The following ST7 variants were observed in gnomAD, a reference collection of about 807,000 sequenced individuals.
ST7 encodes suppressor of tumorigenicity 7 protein.
In ST7, 28 loss-of-function variants were observed where a neutral mutation model predicts 78.7. That is an observed-to-expected ratio of 0.36 (90% CI 0.26 to 0.49). The LOEUF (loss-of-function observed/expected upper bound fraction) is 0.49. Ranked by LOEUF, ST7 falls within the 20% of genes least tolerant of loss-of-function variation. The probability of loss-of-function intolerance (pLI) is 0.99; values close to 1 mark genes in which losing one functional copy is unlikely to be tolerated. For synonymous variants in ST7, 247 were observed against 249.6 expected (o/e 0.99, Z 0.10); for missense variants, 418 against 696.0 (o/e 0.60, Z 4.49).
chr7:117,117,273 T>C (rs1033548561), intron 2 of ST7, among the ~76,000 whole-genome samples: 1 of 152,070 alleles, frequency 6.6e-6, no homozygotes, highest in Admixed American at 6.6e-5. Context: ...GGTTTGTGTG[T>C]GTGTGATGGG....
At chr7:117,079,196 C>A (rs74440246) in intron 1 of ST7, among the ~76,000 whole-genome samples, 1 of 152,090 alleles carries the variant, frequency 6.6e-6, no homozygotes, top group Non-Finnish European at 1.5e-5. Context: ...ATTTATGTAG[C>A]ATTTATATTG....
At chr7:117,194,561 A>G (rs1293107536) in intron 12 of ST7, among the ~76,000 whole-genome samples, 1 of 152,220 alleles carries the variant, frequency 6.6e-6, no homozygotes, top group Non-Finnish European at 1.5e-5. Flanking sequence ...GATTTTCAAC[A>G]ACTGAGAACA....
chr7:117,079,785 A>G (rs1231773330), intron 1 of ST7, among the ~76,000 whole-genome samples: 3 of 152,070 alleles, frequency 2.0e-5, no homozygotes, highest in Admixed American at 6.5e-5. Context: ...ATGTAATTCT[A>G]TCCTCCAAAG....
chr7:117,186,422 C>A (rs531473276), intron 10 of ST7, among the ~76,000 whole-genome samples: 1 of 152,136 alleles, frequency 6.6e-6, no homozygotes, highest in South Asian at 2.1e-4. Flanking sequence ...ATCTACAGTG[C>A]GGATATGCTG....
In ST7 at chr7:117,012,840, T is replaced by C. The variant is rs554811735; in HGVS notation, c.151+59149T>C. On this transcript the variant is annotated intron_variant, in intron 1 of 15. Transcript: ENST00000323984. ...ACTTGGCTTTTCTGTTTGCTAAGCC[T>C]GGCTTTTAACCCCTCTGCTGGATTT... Among the ~76,000 whole-genome samples, 12 of 152,338 alleles carry C rather than the reference T, an allele frequency of 7.9e-5. No individual in the cohort carries two copies. The South Asian group carries it at 2.5e-3, about 32-fold the overall frequency.
intron 2 of ST7, among the ~76,000 whole-genome samples, chr7:117,107,528 A>AT (rs905163012): frequency 4.5e-5 from 6 of 134,192 alleles, no homozygotes; most frequent in African/African-American, 1.7e-4. Context: ...GATGTTGAGC[A>AT]TTTTTTTCAT....
intron 9 of ST7, among the ~76,000 whole-genome samples, chr7:117,155,352 A>C (rs947161343): frequency 2.0e-5 from 3 of 152,194 alleles, no homozygotes; most frequent in African/African-American, 7.2e-5. Context: ...TAGTTGTGTA[A>C]GGCATTTAGA....
At chr7:117,041,876 G>T (rs1665624283) in intron 1 of ST7, among the ~76,000 whole-genome samples, 1 of 152,130 alleles carries the variant, frequency 6.6e-6, no homozygotes, top group Non-Finnish European at 1.5e-5. Flanking sequence ...TTAAAATATG[G>T]ACATTATGCT....
chr7:116,985,760 T>G (rs1794163072), intron 1 of ST7, among the ~76,000 whole-genome samples: 1 of 152,228 alleles, frequency 6.6e-6, no homozygotes. Context: ...TGCTAGAGAT[T>G]TGCTACTCTG....
At chr7:117,049,204 A>G (rs1271859931) in intron 1 of ST7, among the ~76,000 whole-genome samples, 1 of 152,228 alleles carries the variant, frequency 6.6e-6, no homozygotes, top group African/African-American at 2.4e-5. Flanking sequence ...GAAGTCGCCT[A>G]TCTCTACCTT....
At chr7:117,147,791 C>G (rs577633384) in intron 9 of ST7, among the ~76,000 whole-genome samples, 1 of 152,136 alleles carries the variant, frequency 6.6e-6, no homozygotes, top group African/African-American at 2.4e-5. Context: ...ACCATTTGAT[C>G]CTAAGCATTT....
chr7:117,183,204 A>G (rs1443541547), intron 10 of ST7, among the ~76,000 whole-genome samples: 1 of 151,910 alleles, frequency 6.6e-6, no homozygotes, highest in Non-Finnish European at 1.5e-5. Flanking sequence ...GGTGGGCAGA[A>G]CAGTTGAGGA....
At chr7:117,146,393 A>T (rs1420970566) in intron 9 of ST7, 1 of 152,280 alleles carries the variant, frequency 6.6e-6, no homozygotes, top group African/African-American at 2.4e-5. Context: ...GAGAGAAGGG[A>T]GGGAGCTTAA....
At chr7:116,968,331 T>TTCCTTCCTTC (rs1793244829) in intron 1 of ST7, 1 of 145,590 alleles carries the variant, frequency 6.9e-6, no homozygotes, top group African/African-American at 5.8e-5. Context: ...TTCCTTCCTT[T>TTCCTTCCTTC]CCTCCCTCCC....
intron 1 of ST7, among the ~76,000 whole-genome samples, chr7:117,058,160 G>A (rs1798159812): frequency 6.6e-6 from 1 of 152,132 alleles, no homozygotes; most frequent in Non-Finnish European, 1.5e-5. Flanking sequence ...AAACACATGT[G>A]CTTTACCTTT....
At chr7:117,171,324 T>A (rs1807974116) in intron 10 of ST7, among the ~76,000 whole-genome samples, 2 of 152,146 alleles carry the variant, frequency 1.3e-5, no homozygotes, top group Admixed American at 6.6e-5. Flanking sequence ...CAGCACTGAC[T>A]GTTAGAGCTC....
chr7:117,190,896 C>T lies in ST7; in HGVS notation c.1214C>T (p.Ala405Val). The change falls in exon 12 of 16, where the codon GCC (alanine) becomes GTC (valine). Residue 405 changes from alanine to valine, a missense_variant. Ala to Val is a moderately conservative substitution (Grantham distance 64). Coordinates refer to ENST00000323984, the MANE Select transcript of ST7 (RefSeq NM_001369598.1). The surrounding 1 kb of genome is among the most constrained non-coding windows in gnomAD (Gnocchi z 5.2). ...LSTAEMNAVE[A>V]IHRAVEFNPH... ...ACAGCAGAGATGAATGCAGTAGAGGCCATTCATAGAGCTGTGGAATTCAAT... is the reference window on the plus strand; with the variant it reads ...ACAGCAGAGATGAATGCAGTAGAGGTCATTCATAGAGCTGTGGAATTCAAT... 1 of 1,613,982 alleles carries T rather than the reference C, an allele frequency of 6.2e-7. No homozygotes were observed. The highest frequency in any genetic ancestry group is 1.1e-5 in the South Asian group (1 of 91,078).
chr7:116,979,958 CTTTT>C (rs745530832), intron 1 of ST7, among the ~76,000 whole-genome samples: 7 of 86,240 alleles, frequency 8.1e-5, no homozygotes, highest in Non-Finnish European at 1.0e-4. Context: ...TTTTGTTTCT[CTTTT>C]TTTTTTTTTT....
chr7:117,137,031 A>G (rs942194974), intron 8 of ST7: 93 of 152,252 alleles, frequency 6.1e-4, no homozygotes, highest in African/African-American at 2.1e-3. Context: ...TCCAACCAAA[A>G]TTTGAGAGTA....
Sources: allele counts gnomAD v4.1 joint callset (sites outside exome capture counted in the v4.1 genomes callset), GRCh38; gene constraint gnomAD v4.1.1; non-coding constraint Gnocchi (gnomAD v3.1); transcripts MANE v1.5; gene names NCBI Gene and HGNC (gene_info 2026-07-23, HGNC 2026-07-21).